PRSS23: variants seen among roughly 807,000 people sequenced by gnomAD.
PRSS23 encodes the protein serine protease 23, also known as protease, serine 23.
In PRSS23, 25 loss-of-function variants were observed where a neutral mutation model predicts 34.7. The observed-to-expected ratio is 0.72, with a 90% CI of 0.53 to 1.01. The LOEUF (loss-of-function observed/expected upper bound fraction) is 1.01. PRSS23 is among the 50% of genes least tolerant of loss of function. The probability of loss-of-function intolerance (pLI) is 0.00; values close to 1 mark genes in which losing one functional copy is unlikely to be tolerated. For missense variants in PRSS23, 445 were observed against 475.6 expected, an observed-to-expected ratio of 0.94 and a Z score of 0.60; for synonymous variants, 176 against 186.6, an observed-to-expected ratio of 0.94 and a Z score of 0.46.
intron 2 of PRSS23, among the ~76,000 whole-genome samples, chr11:86,865,245 T>G (rs1451637059): frequency 6.6e-6 from 1 of 152,204 alleles, no homozygotes; most frequent in Non-Finnish European, 1.5e-5. Flanking sequence ...AGGTTTCAAT[T>G]CCCAGTTCTA....
chr11:86,895,334 A>C (rs1243455823), intron 2 of PRSS23, among the ~76,000 whole-genome samples: 1 of 152,160 alleles, frequency 6.6e-6, no homozygotes, highest in African/African-American at 2.4e-5. Context: ...AATGAGGATA[A>C]TAAATCCAGC....
chr11:86,888,842 A>T (rs1319400280), intron 2 of PRSS23, among the ~76,000 whole-genome samples: 2 of 152,244 alleles, frequency 1.3e-5, no homozygotes, highest in Non-Finnish European at 2.9e-5. Flanking sequence ...GGAGGATCCA[A>T]CTGAATTGCT....
intron 2 of PRSS23, chr11:86,858,053 C>T (rs528756161): frequency 4.4e-5 from 10 of 225,372 alleles, no homozygotes; most frequent in African/African-American, 7.0e-5. Flanking sequence ...TGTACCACCC[C>T]CTGTGATACT....
chr11:86,925,187 G>C (rs1308124034), intron 2 of PRSS23: 1 of 152,294 alleles, frequency 6.6e-6, no homozygotes, highest in African/African-American at 2.4e-5. Flanking sequence ...ATTTCTCTTG[G>C]ACTGGTTTGT....
chr11:86,842,786 G>A (rs187415115), intron 2 of PRSS23, among the ~76,000 whole-genome samples: 238 of 152,252 alleles, frequency 1.6e-3, no homozygotes, highest in Non-Finnish European at 2.4e-3. Flanking sequence ...GCCAAGAAAC[G>A]GAAGAACATT....
At chr11:86,858,879 C>T (rs147258330) in intron 2 of PRSS23, among the ~76,000 whole-genome samples, 1 of 151,504 alleles carries the variant, frequency 6.6e-6, no homozygotes, top group Admixed American at 6.6e-5. Flanking sequence ...GTACACCCAC[C>T]CCCTGTGATA....
At chr11:86,840,297 A>G (rs968735249) in intron 2 of PRSS23, among the ~76,000 whole-genome samples, 4 of 152,244 alleles carry the variant, frequency 2.6e-5, no homozygotes, top group African/African-American at 7.2e-5. Flanking sequence ...AAACAAACAA[A>G]AAAAGCAGGG....
intron 2 of PRSS23, among the ~76,000 whole-genome samples, chr11:86,875,924 T>G (rs1481578689): frequency 6.6e-6 from 1 of 152,228 alleles, no homozygotes; most frequent in Non-Finnish European, 1.5e-5. Context: ...TACTTCTTCA[T>G]TGTATCATCT....
intron 2 of PRSS23, chr11:86,832,917 C>T (rs1164300902): frequency 5.8e-6 from 2 of 346,028 alleles, no homozygotes; most frequent in Non-Finnish European, 5.6e-6. Context: ...TGAGAAGGGT[C>T]ACAGAAGAAA....
intron 2 of PRSS23, among the ~76,000 whole-genome samples, chr11:86,831,485 T>A (rs535582827): frequency 3.3e-5 from 5 of 152,060 alleles, no homozygotes; most frequent in Admixed American, 2.6e-4. Context: ...GATGTTACTT[T>A]TAATGTTACA....
chr11:86,851,572 G>T (rs1258117915), intron 2 of PRSS23, among the ~76,000 whole-genome samples: 4 of 152,192 alleles, frequency 2.6e-5, no homozygotes, highest in Admixed American at 6.5e-5. Context: ...TAGACTGCCT[G>T]GTTCAAATGG....
At position 86,912,864 on chromosome 11, in the gene PRSS23, T is replaced by C. The variant is rs181521263; in HGVS notation, c.207-38352T>C. ...TATGTCTTGGACATTGTGAGTGATA[T>C]GTTGTAAGGACTCTGTCTTTTGTTA... On this transcript the variant is annotated intron_variant, in intron 2 of 2. Transcript: ENST00000533902. Among the ~76,000 whole-genome samples the C allele has an allele frequency of 2.6e-5, 4 of 152,326 alleles. No individual in the cohort carries two copies. In the East Asian group the frequency reaches 7.7e-4, roughly 29 times the overall value.
Position 86,809,088 on chromosome 11 carries a change from ATCT to A in PRSS23, c.*296_*298del. 1 of 290,106 alleles carries A rather than the reference ATCT, an allele frequency of 3.4e-6. No individual in the cohort carries two copies. The highest frequency in any genetic ancestry group is 6.8e-6 in the Non-Finnish European group (1 of 148,072). The allele number at this position is 290,106 out of a possible 1,614,324, so 18.0% of individuals were successfully genotyped here. On this transcript the variant is annotated 3_prime_UTR_variant, in exon 2 of 2. Coordinates refer to ENST00000280258, the MANE Select transcript of PRSS23 (RefSeq NM_007173.6). Reference sequence around the variant, plus strand: ...TGAGGAATATTTGACAATTAAGTTAATCTTCACGTTTTTGCAAACTTTGATTTT... The same window carrying A: ...TGAGGAATATTTGACAATTAAGTTAATCACGTTTTTGCAAACTTTGATTTT...
downstream of PRSS23, among the ~76,000 whole-genome samples, chr11:86,812,074 T>C (rs1459636541): frequency 6.6e-6 from 1 of 152,250 alleles, no homozygotes; most frequent in Non-Finnish European, 1.5e-5. Context: ...ATTTCATTTA[T>C]CATTCAGAAT....
At chr11:86,835,880 G>A (rs929181801) in intron 2 of PRSS23, among the ~76,000 whole-genome samples, 2 of 152,154 alleles carry the variant, frequency 1.3e-5, no homozygotes, top group African/African-American at 2.4e-5. Context: ...TCCACGTACC[G>A]AAGGACAAGA....
At chr11:86,866,224 A>G (rs1291541618) in intron 2 of PRSS23, among the ~76,000 whole-genome samples, 1 of 152,214 alleles carries the variant, frequency 6.6e-6, no homozygotes, top group East Asian at 1.9e-4. Flanking sequence ...AACCCTCTAG[A>G]GTAAACCCAA....
rs190388914 is a variant in PRSS23, at chr11:86,809,557, C to G, written c.*762C>G. On this transcript the variant is annotated 3_prime_UTR_variant, in exon 2 of 2. Coordinates refer to ENST00000280258, the MANE Select transcript of PRSS23 (RefSeq NM_007173.6). Reference sequence around the variant, plus strand: ...AGTGGCCAAGAGTGTTTATCCCAACCCTTCCATTTAACAGGATTTCACTCA... The same window carrying G: ...AGTGGCCAAGAGTGTTTATCCCAACGCTTCCATTTAACAGGATTTCACTCA... 3.6e-5 allele frequency: 6 copies of G among 167,118 alleles called. No homozygotes were observed. Among genetic ancestry groups the G allele is most frequent in the Admixed American group, 1.3e-4 (2 of 15,300 alleles). 10.4% of individuals were successfully genotyped at this position (167,118 alleles called of 1,614,324 possible). A position where few individuals can be genotyped will look rare whatever the true frequency, so the allele number is the denominator to read the frequency against.
At chr11:86,844,855 C>T (rs539637037) in intron 2 of PRSS23, among the ~76,000 whole-genome samples, 5 of 152,174 alleles carry the variant, frequency 3.3e-5, no homozygotes, top group East Asian at 1.9e-4. Context: ...TTTGAGAGGC[C>T]GAGGCAGGCA....
rs929964425 is a variant in PRSS23, at chr11:86,833,370, C to G, written c.206+9777C>G. 16 of 777,404 alleles carry G rather than the reference C, an allele frequency of 2.1e-5. No individual in the cohort carries two copies. In the African/African-American group the frequency reaches 2.6e-4, roughly 13 times the overall value. 48.2% of individuals were successfully genotyped at this position (777,404 alleles called of 1,614,324 possible). A position where few individuals can be genotyped will look rare whatever the true frequency, so the allele number is the denominator to read the frequency against. On this transcript the variant is annotated intron_variant, in intron 2 of 2. Transcript: ENST00000533902. ...CCATGACTAGGTACATGAACAGGAA[C>G]AGCCCAGCGAGGGCCAGCTGCAGTT...
Sources: allele counts gnomAD v4.1 joint callset (sites outside exome capture counted in the v4.1 genomes callset), GRCh38; gene constraint gnomAD v4.1.1; transcripts MANE v1.5; gene names NCBI Gene and HGNC (gene_info 2026-07-23, HGNC 2026-07-21).